Variants in TERB2 observed in about 807,000 individuals in gnomAD.
The protein encoded by TERB2 is telomere repeat binding bouquet formation protein 2.
A neutral mutation model predicts 29.8 loss-of-function variants in TERB2; 26 were observed. That is an observed-to-expected ratio of 0.87 (90% CI 0.64 to 1.21). The LOEUF (loss-of-function observed/expected upper bound fraction) is 1.21, where lower values mean the gene tolerates loss of function less well. Ranked by LOEUF, TERB2 falls within the 50% of genes most tolerant of loss-of-function variation. The pLI, the probability that TERB2 is intolerant of heterozygous loss-of-function variation, is 0.00. For synonymous variants in TERB2, 80 were observed against 90.8 expected, an observed-to-expected ratio of 0.88 and a Z score of 0.68; for missense variants, 240 against 268.6, an observed-to-expected ratio of 0.89 and a Z score of 0.74.
In TERB2 at chr15:44,978,869, C is replaced by T. The variant is rs575184866; in HGVS notation, c.*241C>T. 15 of 291,412 alleles carry T rather than the reference C, an allele frequency of 5.1e-5. No homozygotes were observed. Among genetic ancestry groups the T allele is most frequent in the East Asian group, 4.8e-4 (6 of 12,452 alleles). 18.1% of individuals were successfully genotyped at this position (291,412 alleles called of 1,614,324 possible). ...TGCACAGTTGTTAATGAGTAATTGC[C>T]GTTAAAATATATTTCATAAGAAGTC... On this transcript the variant is annotated 3_prime_UTR_variant, in exon 7 of 7. Coordinates refer to ENST00000340827, the MANE Select transcript of TERB2 (RefSeq NM_152448.3).
intron 4 of TERB2, among the ~76,000 whole-genome samples, chr15:44,963,752 G>A (rs1270153006): frequency 1.4e-5 from 2 of 145,964 alleles, no homozygotes; most frequent in Non-Finnish European, 3.0e-5. Context: ...TGTCAGAAAT[G>A]TTAACACTTT....
At chr15:44,960,617 T>C (rs775793602) in intron 3 of TERB2, among the ~76,000 whole-genome samples, 2 of 152,148 alleles carry the variant, frequency 1.3e-5, no homozygotes, top group Non-Finnish European at 2.9e-5. Context: ...TCTATAAAAA[T>C]TGAGATACCC....
chr15:44,970,330 G>A (rs1891949611), intron 5 of TERB2: 3 of 267,192 alleles, frequency 1.1e-5, no homozygotes, highest in South Asian at 1.5e-4. Context: ...TTTGGTCAGG[G>A]AAGGGGATGT....
chr15:44,978,496 A>G lies in TERB2; in HGVS notation c.531A>G (p.Ile177Met). The change falls in exon 7 of 7, where the codon ATA (isoleucine) becomes ATG (methionine). Residue 177 changes from isoleucine to methionine, a missense_variant. Physicochemically the swap from Ile to Met is conservative, Grantham distance 10. Coordinates refer to ENST00000340827, the MANE Select transcript of TERB2 (RefSeq NM_152448.3). Reference protein sequence around the residue: ...YPVNNMVTGYISIDAMKKFLG... With the variant: ...YPVNNMVTGYMSIDAMKKFLG... The stretch of plus-strand genomic sequence containing the variant: ...TTAAATTTTATTTTGTAGGTTATAT[A>G]TCAATTGATGCCATGAAGAAATTCC... 1 of 1,600,890 alleles carries G rather than the reference A, an allele frequency of 6.2e-7. No individual in the cohort carries two copies. Among genetic ancestry groups the G allele is most frequent in the Non-Finnish European group, 8.5e-7 (1 of 1,174,078 alleles).
rs1486347912 is a variant in TERB2, at chr15:44,958,483, T to C, written c.257T>C (p.Phe86Ser). The change falls in exon 3 of 7, where the codon TTC becomes TCC. Residue 86 changes from phenylalanine to serine, a missense_variant. Phe to Ser is a radical substitution (Grantham distance 155). Transcript: ENST00000340827. ...KIKNSVALGH[F>S]ILPPACLQKE... is the part of the protein sequence containing the mutation. The stretch of plus-strand genomic sequence containing the variant: ...AAAAACTCGGTGGCTTTGGGTCATT[T>C]CATTCTTCCTCCTGCGTGCCTGCAA... 1 of 1,613,818 alleles carries C rather than the reference T, an allele frequency of 6.2e-7. No individual in the cohort carries two copies. The highest frequency in any genetic ancestry group is 8.5e-7 in the Non-Finnish European group (1 of 1,179,838).
intron 5 of TERB2, chr15:44,971,016 T>A (rs1284234330): frequency 5.7e-6 from 1 of 175,644 alleles, no homozygotes; most frequent in African/African-American, 2.4e-5. Context: ...AAGATTTCTC[T>A]TTCTCTGAAT....
intron 6 of TERB2, among the ~76,000 whole-genome samples, chr15:44,975,305 A>T (rs1179403682): frequency 6.6e-6 from 1 of 152,104 alleles, no homozygotes; most frequent in Admixed American, 6.6e-5. Flanking sequence ...ATGTGAAATG[A>T]CAAATACTTC....
At chr15:44,967,514 G>T (rs2141242489) in intron 5 of TERB2, among the ~76,000 whole-genome samples, 1 of 152,344 alleles carries the variant, frequency 6.6e-6, no homozygotes, top group East Asian at 1.9e-4. Flanking sequence ...CACAGTGAGG[G>T]GGTCTGGGTA....
At chr15:44,976,329 T>C (rs1047323095) in intron 6 of TERB2, among the ~76,000 whole-genome samples, 8 of 152,132 alleles carry the variant, frequency 5.3e-5, no homozygotes, top group African/African-American at 1.9e-4. Flanking sequence ...AAGGCACAAC[T>C]GGGACTGGAA....
chr15:44,958,660 A>T (rs942328969), intron 3 of TERB2, 148 bp downstream of exon 3: 2 of 848,588 alleles, frequency 2.4e-6, no homozygotes, highest in African/African-American at 3.4e-5. Flanking sequence ...AAAAGCATGG[A>T]CTTTGGATCA....
intron 6 of TERB2, among the ~76,000 whole-genome samples, chr15:44,974,395 T>TTTAAA (rs1892013616): frequency 6.6e-6 from 1 of 152,120 alleles, no homozygotes. Context: ...ATATCAAATA[T>TTTAAA]ATAAATATTT....
At chr15:44,967,227 A>G (rs11635466) in intron 5 of TERB2, among the ~76,000 whole-genome samples, 2,528 of 152,304 alleles carry the variant, frequency 0.017, 22 homozygotes, top group Middle Eastern at 0.031. Context: ...ATATTTTCCA[A>G]TTCAGTTGGT....
intron 4 of TERB2, among the ~76,000 whole-genome samples, chr15:44,962,146 T>G (rs1370366089): frequency 6.6e-6 from 1 of 151,886 alleles, no homozygotes; most frequent in Admixed American, 6.6e-5. Context: ...CTGTTACTAA[T>G]AAGAAGAGAA....
intron 4 of TERB2, among the ~76,000 whole-genome samples, chr15:44,963,941 G>A (rs1891845663): frequency 6.6e-6 from 1 of 150,968 alleles, no homozygotes; most frequent in Non-Finnish European, 1.5e-5. Flanking sequence ...CTCCCGAGTA[G>A]CTGGGATTAC....
At chr15:44,974,342 A>T (rs1892012781) in intron 6 of TERB2, among the ~76,000 whole-genome samples, 1 of 152,220 alleles carries the variant, frequency 6.6e-6, no homozygotes. Context: ...TTTCCTTAGC[A>T]TACACACATA....
At chr15:44,957,032 G>A in intron 2 of TERB2, 55 bp downstream of exon 2, 4 of 1,539,836 alleles carry the variant, frequency 2.6e-6, no homozygotes, top group Non-Finnish European at 3.6e-6. Flanking sequence ...GGGAGTTAGG[G>A]ATGGAAGTTG....
intron 4 of TERB2, chr15:44,963,013 A>T (rs1175549911): frequency 6.6e-6 from 1 of 152,246 alleles, no homozygotes; most frequent in Non-Finnish European, 1.5e-5. Context: ...AATAAGGAAG[A>T]TAAGGGTGGG....
intron 5 of TERB2, among the ~76,000 whole-genome samples, chr15:44,969,797 C>CAAA (rs34634243): frequency 0.017 from 2,124 of 123,278 alleles, 17 homozygotes; most frequent in Middle Eastern, 0.04. Flanking sequence ...GGCCATGTAT[C>CAAA]AAAAAAAAAA....
chr15:44,961,299 G>C (rs1891800582), intron 3 of TERB2, among the ~76,000 whole-genome samples: 1 of 150,686 alleles, frequency 6.6e-6, no homozygotes, highest in Non-Finnish European at 1.5e-5. Flanking sequence ...ACAATGATTA[G>C]CAAAGTGTAT....
Sources: allele counts gnomAD v4.1 joint callset (sites outside exome capture counted in the v4.1 genomes callset), GRCh38; gene constraint gnomAD v4.1.1; transcripts MANE v1.5; gene names NCBI Gene and HGNC (gene_info 2026-07-23, HGNC 2026-07-21).